Variants in FLI1 observed in about 807,000 individuals in gnomAD.
The protein encoded by FLI1 is Friend leukemia integration 1 transcription factor.
Under a neutral mutation model 53.1 loss-of-function variants are expected in FLI1, and 13 were observed. The ratio of observed to expected loss-of-function variants is 0.24; its 90% CI spans 0.16 to 0.39. The LOEUF is 0.39. Among genes scored for constraint, FLI1 ranks in the 10% least tolerant of loss-of-function variants. FLI1 has a pLI of 1.00. For missense variants in FLI1, 424 were observed against 600.5 expected (o/e 0.71, Z 3.07); for synonymous variants, 244 against 236.7 (o/e 1.03, Z -0.28).
chr11:128,729,481 G>A (rs1591759746), intron 1 of FLI1, among the ~76,000 whole-genome samples: 1 of 152,204 alleles, frequency 6.6e-6, no homozygotes, highest in Non-Finnish European at 1.5e-5. Flanking sequence ...AATGGTTGGC[G>A]ATGCTTTGCA....
At chr11:128,773,665 T>C (rs989190404) in intron 4 of FLI1, among the ~76,000 whole-genome samples, 3 of 150,788 alleles carry the variant, frequency 2.0e-5, no homozygotes, top group African/African-American at 7.3e-5. Flanking sequence ...ATCAGTCTGA[T>C]ATGAATTTCA....
At chr11:128,689,659 T>C (rs891374535), upstream of FLI1, among the ~76,000 whole-genome samples, 8 of 152,236 alleles carry the variant, frequency 5.3e-5, no homozygotes, top group Admixed American at 2.6e-4. Context: ...GTGATGGAGA[T>C]TGGAGAAGCT....
intron 4 of FLI1, among the ~76,000 whole-genome samples, chr11:128,777,187 C>T (rs1311769034): frequency 6.6e-6 from 1 of 152,124 alleles, no homozygotes; most frequent in African/African-American, 2.4e-5. Context: ...CGGAGGGCGC[C>T]GGGCTGGCAG....
At chr11:128,757,549 C>G (rs1056338037) in intron 1 of FLI1, among the ~76,000 whole-genome samples, 2 of 152,160 alleles carry the variant, frequency 1.3e-5, no homozygotes, top group Non-Finnish European at 2.9e-5. Flanking sequence ...TATTTTTATC[C>G]CTGTTACAAA....
At position 128,694,172 on chromosome 11, in the gene FLI1, C is replaced by A; in HGVS notation, c.-87C>A. 1 of 1,442,644 alleles carries A rather than the reference C, an allele frequency of 6.9e-7. No homozygotes were observed. Among genetic ancestry groups the A allele is most frequent in the South Asian group, 1.4e-5 (1 of 71,564 alleles). The allele number at this position is 1,442,644 out of a possible 1,614,324, so 89.4% of individuals were successfully genotyped here. ...GGCCCAGGGCGCCAGGGAGGCCGCGCCGGGCTAATCCGAAGGGGCTGCGAG... is the reference window on the plus strand; with the variant it reads ...GGCCCAGGGCGCCAGGGAGGCCGCGACGGGCTAATCCGAAGGGGCTGCGAG... On this transcript the variant is annotated 5_prime_UTR_variant, in exon 1 of 9. Transcript: ENST00000527786.
chr11:128,812,530 A>G lies in FLI1; in HGVS notation c.*1542A>G, dbSNP rs1036230852. The G allele has an allele frequency of 8.9e-6, 2 of 224,872 alleles. No individual in the cohort carries two copies. The highest frequency in any genetic ancestry group is 8.9e-6 in the Non-Finnish European group (1 of 112,740). The allele number at this position is 224,872 out of a possible 1,614,324, so 13.9% of individuals were successfully genotyped here. On this transcript the variant is annotated 3_prime_UTR_variant, in exon 9 of 9. Coordinates refer to ENST00000527786, the MANE Select transcript of FLI1 (RefSeq NM_002017.5). ...AGAATTTTTCGAATGTACCTACTGC[A>G]GTACAGCAGAAGGTAAAAAATCAGT...
intron 1 of FLI1, among the ~76,000 whole-genome samples, chr11:128,742,222 C>T (rs554835569): frequency 2.0e-5 from 3 of 152,136 alleles, no homozygotes; most frequent in African/African-American, 4.8e-5. Flanking sequence ...GAGGAAAAGT[C>T]CCACAATTCT....
intron 5 of FLI1, among the ~76,000 whole-genome samples, chr11:128,788,188 G>C (rs1454164466): frequency 1.3e-5 from 2 of 152,070 alleles, no homozygotes; most frequent in Middle Eastern, 3.2e-3. Flanking sequence ...CTTATTCGGG[G>C]GCCGGGCATG....
chr11:128,809,351 G>A (rs964787995), intron 8 of FLI1, 147 bp downstream of exon 8: 1 of 748,304 alleles, frequency 1.3e-6, no homozygotes, highest in Admixed American at 2.4e-5. Context: ...TGTTTCTGGA[G>A]CATGTGAACA....
upstream of FLI1, among the ~76,000 whole-genome samples, chr11:128,690,941 C>A (rs1406178750): frequency 6.6e-6 from 1 of 152,142 alleles, no homozygotes; most frequent in South Asian, 2.1e-4. Context: ...GCCATTGGAG[C>A]CATGGTAAGC....
rs934912493 is a variant in FLI1, at chr11:128,789,358, G to A, written c.655+7335G>A. ...TTCATTGTGAGACAGGAAGCTCAGC[G>A]AAGGAGCGGAGAGCCAGGGACTTGT... On this transcript the variant is annotated intron_variant, in intron 5 of 8. Coordinates refer to ENST00000527786, the MANE Select transcript of FLI1 (RefSeq NM_002017.5). Among the ~76,000 whole-genome samples the A allele has an allele frequency of 3.9e-5, 6 of 152,168 alleles. No individual in the cohort carries two copies. In the South Asian group the frequency reaches 6.2e-4, roughly 16 times the overall value.
At chr11:128,764,044 TCA>T (rs1308529460) in intron 2 of FLI1, among the ~76,000 whole-genome samples, 1 of 152,184 alleles carries the variant, frequency 6.6e-6, no homozygotes, top group Non-Finnish European at 1.5e-5. Flanking sequence ...CCGCGAGGCC[TCA>T]CTTTGGCCAC....
At chr11:128,763,891 C>A (rs1284470260) in intron 2 of FLI1, among the ~76,000 whole-genome samples, 3 of 152,232 alleles carry the variant, frequency 2.0e-5, no homozygotes, top group African/African-American at 7.2e-5. Flanking sequence ...GTTATTGCAT[C>A]TCCTTTTCAA....
chr11:128,706,897 A>G (rs1023769159), intron 1 of FLI1, among the ~76,000 whole-genome samples: 4 of 152,226 alleles, frequency 2.6e-5, no homozygotes, highest in African/African-American at 9.6e-5. Context: ...CTCTTCTGGC[A>G]AGAGGCATTT....
chr11:128,777,488 G>A (rs906217664), intron 4 of FLI1, among the ~76,000 whole-genome samples: 1 of 152,088 alleles, frequency 6.6e-6, no homozygotes, highest in African/African-American at 2.4e-5. Context: ...GCATTTTCTG[G>A]TCTTTCCACC....
intron 1 of FLI1, among the ~76,000 whole-genome samples, chr11:128,727,451 C>T (rs1939529762): frequency 6.6e-6 from 1 of 152,200 alleles, no homozygotes; most frequent in Non-Finnish European, 1.5e-5. Context: ...ATGCTGATCT[C>T]AGCAAGTCAG....
intron 5 of FLI1, among the ~76,000 whole-genome samples, chr11:128,789,083 GC>G (rs1171235601): frequency 6.6e-6 from 1 of 152,214 alleles, no homozygotes; most frequent in Non-Finnish European, 1.5e-5. Context: ...CCTCTAGCAA[GC>G]TGCAGCATGG....
chr11:128,741,642 G>T (rs1270530686), intron 1 of FLI1, among the ~76,000 whole-genome samples: 1 of 152,184 alleles, frequency 6.6e-6, no homozygotes, highest in Admixed American at 6.5e-5. Context: ...GCAGAGGAGG[G>T]GATAAAAGGC....
At chr11:128,778,822 CCA>C (rs1361386193) in intron 4 of FLI1, among the ~76,000 whole-genome samples, 1 of 152,162 alleles carries the variant, frequency 6.6e-6, no homozygotes, top group Non-Finnish European at 1.5e-5. Flanking sequence ...CAGTCCAAAG[CCA>C]CAGAGAGGGA....
Sources: gnomAD v4.1 joint callset for allele counts (sites outside exome capture counted in the v4.1 genomes callset) on GRCh38, gnomAD v4.1.1 for gene constraint, MANE v1.5 for transcripts, NCBI Gene and HGNC (gene_info 2026-07-23, HGNC 2026-07-21) for gene names.